WDR44: variants seen among roughly 807,000 people sequenced by gnomAD.
WDR44 encodes WD repeat domain 44, also known as WD repeat-containing protein 44.
Under a neutral mutation model 65.7 loss-of-function variants are expected in WDR44, and 9 were observed. The observed-to-expected ratio is 0.14, with a 90% CI of 0.08 to 0.24. The LOEUF is 0.24. WDR44 is among the 10% of genes least tolerant of loss of function. The pLI is 1.00. For missense variants in WDR44, 425 were observed against 670.9 expected, an observed-to-expected ratio of 0.63 and a Z score of 4.05; for synonymous variants, 220 against 235.2, an observed-to-expected ratio of 0.94 and a Z score of 0.59.
chrX:118,424,321 G>GTATATATATATATATATATATA (rs1430796503), intron 12 of WDR44, among the ~76,000 whole-genome samples: 3 of 63,466 alleles, frequency 4.7e-5, no homozygotes, highest in African/African-American at 4.5e-4. Context: ...ATGTGTGTGT[G>GTATATATATATATATATATATA]TGTATATATA....
intron 3 of WDR44, among the ~76,000 whole-genome samples, chrX:118,388,540 C>T (rs775719376): frequency 3.6e-5 from 4 of 111,533 alleles, no homozygotes; most frequent in African/African-American, 9.8e-5. Flanking sequence ...CTCAGCCTCC[C>T]GAAGTGCTGG....
chrX:118,442,542 C>G (rs1478739067), intron 16 of WDR44, 23 bp from the exon 17 acceptor site: 1 of 1,176,475 alleles, frequency 8.5e-7, no homozygotes, highest in South Asian at 1.8e-5. Flanking sequence ...ATATTTTTAA[C>G]TTTTCATTTG....
In WDR44 at chrX:118,346,445, C is replaced by G; in HGVS notation, c.-59C>G. 9.3e-7 allele frequency: 1 copy of G among 1,076,149 alleles called. No individual in the cohort carries two copies. The allele number at this position is 1,076,149 out of a possible 1,213,427, so 88.7% of individuals were successfully genotyped here. On this transcript the variant is annotated 5_prime_UTR_variant, in exon 1 of 20. Transcript: ENST00000254029. ...CGGGTGGAGGTCGACGAGGAGGAGACAAGAGTCACCCTTCCTCCAGGCGGC... is the reference window on the plus strand; with the variant it reads ...CGGGTGGAGGTCGACGAGGAGGAGAGAAGAGTCACCCTTCCTCCAGGCGGC...
intron 2 of WDR44, among the ~76,000 whole-genome samples, chrX:118,378,966 C>T (rs2056689594): frequency 9.2e-6 from 1 of 108,991 alleles, no homozygotes; most frequent in South Asian, 4.0e-4. Context: ...ATTGCTTGAA[C>T]CCAGGAAATG....
chrX:118,441,667 A>AT (rs777841557), intron 15 of WDR44, 108 bp downstream of exon 15: 27 of 581,703 alleles, frequency 4.6e-5, no homozygotes, highest in Non-Finnish European at 6.8e-5. Context: ...TTTTCTCTAA[A>AT]TAGAGACAAA....
Position 118,406,962 on chromosome X carries a change from G to A in WDR44, c.1469G>A (p.Gly490Asp). ...TRPVKFKAAHGFKGPYDFDQI... is the reference protein window; with the variant it reads ...TRPVKFKAAHDFKGPYDFDQI... The stretch of plus-strand genomic sequence containing the variant: ...CCAGTTAAATTCAAAGCAGCACACG[G>A]TTTCAAAGGACCTTATGATTTTGAT... Residue 490 changes from glycine (G) to aspartate (D), a missense_variant, in exon 10 of 20, where the codon GGT (glycine) becomes GAT (aspartate). Physicochemically the swap from Gly to Asp is moderately conservative, Grantham distance 94. Coordinates refer to ENST00000254029, the MANE Select transcript of WDR44 (RefSeq NM_019045.5). 1 of 1,211,302 alleles carries A rather than the reference G, an allele frequency of 8.3e-7. No homozygotes were observed. Among genetic ancestry groups the A allele is most frequent in the Non-Finnish European group, 1.1e-6 (1 of 895,249 alleles).
intron 1 of WDR44, among the ~76,000 whole-genome samples, chrX:118,360,528 G>T (rs1003400597): frequency 8.9e-6 from 1 of 112,049 alleles, no homozygotes; most frequent in African/African-American, 3.2e-5. Flanking sequence ...TAGCACTTCA[G>T]TGTCGGTCTT....
At chrX:118,379,153 C>T (rs1265669710) in intron 2 of WDR44, among the ~76,000 whole-genome samples, 1 of 110,422 alleles carries the variant, frequency 9.1e-6, no homozygotes, top group East Asian at 2.8e-4. Flanking sequence ...AAAATCAATC[C>T]CAGCTTATAT....
intron 12 of WDR44, among the ~76,000 whole-genome samples, chrX:118,424,321 GTGTATATATATATATATATATATATA>G (rs1205513172): frequency 1.5e-3 from 97 of 63,442 alleles, no homozygotes; most frequent in South Asian, 0.013. Flanking sequence ...ATGTGTGTGT[GTGTATATATATATATATATATATATA>G]TGTATATATA....
intron 14 of WDR44, among the ~76,000 whole-genome samples, chrX:118,441,048 C>T (rs761185920): frequency 9.8e-6 from 1 of 102,154 alleles, no homozygotes; most frequent in Admixed American, 1.1e-4. Flanking sequence ...CAACCTCCAC[C>T]TCCTGGGTTC....
At chrX:118,352,347 TATA>T (rs2056419039) in intron 1 of WDR44, among the ~76,000 whole-genome samples, 21 of 28,436 alleles carry the variant, frequency 7.4e-4, no homozygotes, top group Admixed American at 2.8e-3. Context: ...TATATATATA[TATA>T]TATTTTTTTT....
rs1044056236 is a variant in WDR44, at chrX:118,431,539, G to A, written c.1738-1242G>A. ...GCTGATCTTGAACTACCGACCTCAG[G>A]TGATCTGCCTGTCTCGGCCTCCCAA... On this transcript the variant is annotated intron_variant, in intron 12 of 19. Coordinates refer to ENST00000254029, the MANE Select transcript of WDR44 (RefSeq NM_019045.5). Among the ~76,000 whole-genome samples, 6 of 111,626 alleles carry A rather than the reference G, an allele frequency of 5.4e-5. No individual in the cohort carries two copies. The South Asian group carries it at 1.9e-3, about 35-fold the overall frequency.
chrX:118,413,156 G>T (rs1339069880), intron 12 of WDR44, among the ~76,000 whole-genome samples: 1 of 112,177 alleles, frequency 8.9e-6, no homozygotes, highest in African/African-American at 3.2e-5. Context: ...ATAAACGTGC[G>T]TGTGCAAGTA....
At position 118,424,341 on chromosome X, in the gene WDR44, ATATATATG is replaced by A. The variant is rs1231269733; in HGVS notation, c.1738-8432_1738-8425del. Among the ~76,000 whole-genome samples the A allele has an allele frequency of 2.7e-3, 251 of 91,276 alleles. 2 individuals are homozygous for A. The highest frequency in any genetic ancestry group is 0.011 in the African/African-American group (232 of 21,332). 79.3% of individuals were successfully genotyped at this position (91,276 alleles called of 115,157 possible). A position where few individuals can be genotyped will look rare whatever the true frequency, so the allele number is the denominator to read the frequency against. On this transcript the variant is annotated intron_variant, in intron 12 of 19. Transcript: ENST00000254029. ...TGTGTGTGTATATATATATATATAT[ATATATATG>A]TATATATATATAATGTTCATCCTAA... is the stretch of plus-strand genomic sequence containing the variant.
At chrX:118,419,205 G>T (rs918085429) in intron 12 of WDR44, among the ~76,000 whole-genome samples, 1 of 111,276 alleles carries the variant, frequency 9.0e-6, no homozygotes, top group South Asian at 3.8e-4. Flanking sequence ...GAGGCTTCTC[G>T]CCAGTTCAAA....
At chrX:118,405,739 T>C (rs977759870) in intron 9 of WDR44, among the ~76,000 whole-genome samples, 2 of 111,763 alleles carry the variant, frequency 1.8e-5, no homozygotes, top group Admixed American at 9.6e-5. Context: ...TTTAAAAATA[T>C]ATAAAAAATA....
chrX:118,448,622 A>G (rs865968401), intron 19 of WDR44, among the ~76,000 whole-genome samples: 2 of 111,705 alleles, frequency 1.8e-5, no homozygotes, highest in Middle Eastern at 9.2e-3. Context: ...CTGCCTAGGA[A>G]TAGGTCCAAG....
intron 2 of WDR44, 57 bp from the exon 3 acceptor site, chrX:118,387,283 T>A: frequency 1.2e-6 from 1 of 866,638 alleles, no homozygotes; most frequent in Non-Finnish European, 1.6e-6. Flanking sequence ...CTTTAAAGCA[T>A]ATTTTTAAAG....
chrX:118,373,013 T>C lies in WDR44; in HGVS notation c.78-5406T>C, dbSNP rs541009816. On this transcript the variant is annotated intron_variant, in intron 1 of 19. Coordinates refer to ENST00000254029, the MANE Select transcript of WDR44 (RefSeq NM_019045.5). The stretch of plus-strand genomic sequence containing the variant: ...CTGAGTCAGGAGAATAGCTTGAACC[T>C]GGGAGGCGGGGGTTGCAGTGAGCCA... Among the ~76,000 whole-genome samples the C allele has an allele frequency of 9.9e-5, 11 of 110,754 alleles. No homozygotes were observed. In the East Asian group the frequency reaches 2.3e-3, roughly 23 times the overall value.
Sources: allele counts gnomAD v4.1 joint callset (sites outside exome capture counted in the v4.1 genomes callset), GRCh38; gene constraint gnomAD v4.1.1; transcripts MANE v1.5; gene names NCBI Gene and HGNC (gene_info 2026-07-23, HGNC 2026-07-21).